CAMK1D: variants seen among roughly 807,000 people sequenced by gnomAD.
The protein encoded by CAMK1D is calcium/calmodulin-dependent protein kinase type 1D.
Under a neutral mutation model 47.7 loss-of-function variants are expected in CAMK1D, and 9 were observed. The ratio of observed to expected loss-of-function variants is 0.19; its 90% CI spans 0.11 to 0.33. The LOEUF (loss-of-function observed/expected upper bound fraction) is 0.33. CAMK1D is among the 10% of genes least tolerant of loss of function. The pLI is 1.00. For synonymous variants in CAMK1D, 184 were observed against 184.9 expected (o/e 0.99, Z 0.04); for missense variants, 291 against 488.7 (o/e 0.60, Z 3.81).
At chr10:12,534,146 A>G (rs1835893308) in intron 1 of CAMK1D, among the ~76,000 whole-genome samples, 1 of 151,994 alleles carries the variant, frequency 6.6e-6, no homozygotes, top group Non-Finnish European at 1.5e-5. Flanking sequence ...ACAAACCTCC[A>G]CATCTATCTA....
At chr10:12,680,474 C>A (rs1338200027) in intron 3 of CAMK1D, among the ~76,000 whole-genome samples, 1 of 152,184 alleles carries the variant, frequency 6.6e-6, no homozygotes, top group Non-Finnish European at 1.5e-5. Flanking sequence ...TGTTAATCTC[C>A]ATGAAACAAG....
chr10:12,785,516 G>T (rs545219596), intron 5 of CAMK1D, among the ~76,000 whole-genome samples: 4 of 152,226 alleles, frequency 2.6e-5, no homozygotes, highest in African/African-American at 9.6e-5. Flanking sequence ...AAGCTCTCGG[G>T]TATCTCCAGG....
chr10:12,802,383 C>T (rs955662408), intron 6 of CAMK1D, among the ~76,000 whole-genome samples: 1 of 152,162 alleles, frequency 6.6e-6, no homozygotes, highest in Non-Finnish European at 1.5e-5. Flanking sequence ...AATGCAGTCT[C>T]AGTTTTCTCC....
intron 1 of CAMK1D, among the ~76,000 whole-genome samples, chr10:12,410,080 C>T (rs1343710530): frequency 6.6e-6 from 1 of 152,198 alleles, no homozygotes; most frequent in Admixed American, 6.5e-5. Context: ...ATGGATATCA[C>T]ACATTTTGTT....
intron 3 of CAMK1D, among the ~76,000 whole-genome samples, chr10:12,755,658 C>T (rs1012064355): frequency 6.6e-6 from 1 of 152,144 alleles, no homozygotes; most frequent in African/African-American, 2.4e-5. Flanking sequence ...TCCTCTCCAG[C>T]ACCTGTTGTT....
At chr10:12,483,593 G>A (rs1283759781) in intron 1 of CAMK1D, among the ~76,000 whole-genome samples, 1 of 152,016 alleles carries the variant, frequency 6.6e-6, no homozygotes, top group African/African-American at 2.4e-5. Flanking sequence ...CAAACTCCTG[G>A]CCTCAAGTGA....
At chr10:12,444,549 GA>G (rs1425994199) in intron 1 of CAMK1D, among the ~76,000 whole-genome samples, 1 of 152,180 alleles carries the variant, frequency 6.6e-6, no homozygotes, top group East Asian at 1.9e-4. Flanking sequence ...ATTTTAGAGG[GA>G]CAGAAGTTAG....
intron 1 of CAMK1D, among the ~76,000 whole-genome samples, chr10:12,511,674 G>C (rs1200904435): frequency 6.6e-6 from 1 of 152,200 alleles, no homozygotes; most frequent in Non-Finnish European, 1.5e-5. Flanking sequence ...AGTTGGATCA[G>C]AATCTTTGGG....
Position 12,785,743 on chromosome 10 carries a change from T to C in CAMK1D, c.566-5415T>C, listed in dbSNP as rs116453243. On this transcript the variant is annotated intron_variant, in intron 5 of 10. Coordinates refer to ENST00000619168, the MANE Select transcript of CAMK1D (RefSeq NM_153498.4). The stretch of plus-strand genomic sequence containing the variant: ...CACAACACTGGCCGGTTCGGCTGGT[T>C]CTCAGGCAGGAAAACTGGCGTCTGA... Among the ~76,000 whole-genome samples the C allele has an allele frequency of 3.8e-3, 580 of 152,310 alleles. 9 individuals carry two copies. The highest frequency in any genetic ancestry group is 0.013 in the African/African-American group (557 of 41,574).
intron 1 of CAMK1D, among the ~76,000 whole-genome samples, chr10:12,495,658 A>G (rs1288276743): frequency 5.9e-5 from 9 of 152,216 alleles, no homozygotes; most frequent in Non-Finnish European, 1.3e-4. Context: ...ACAATTTGAA[A>G]GGATGAAAAT....
At chr10:12,587,034 C>A (rs1837839746) in intron 2 of CAMK1D, among the ~76,000 whole-genome samples, 1 of 152,152 alleles carries the variant, frequency 6.6e-6, no homozygotes, top group South Asian at 2.1e-4. Context: ...TTGGTTACCT[C>A]TCACTCGGGG....
chr10:12,672,347 T>C (rs1840650597), intron 3 of CAMK1D, among the ~76,000 whole-genome samples: 1 of 152,058 alleles, frequency 6.6e-6, no homozygotes, highest in African/African-American at 2.4e-5. Flanking sequence ...AATGTTTTCC[T>C]CTGGACGTTA....
intron 1 of CAMK1D, among the ~76,000 whole-genome samples, chr10:12,420,352 G>T (rs1040995499): frequency 6.6e-6 from 1 of 152,160 alleles, no homozygotes; most frequent in Non-Finnish European, 1.5e-5. Context: ...TACCCTTGAT[G>T]GTCCACTTCA....
intron 1 of CAMK1D, among the ~76,000 whole-genome samples, chr10:12,519,124 C>G (rs1428327336): frequency 1.1e-5 from 1 of 92,250 alleles, no homozygotes; most frequent in South Asian, 5.5e-4. Flanking sequence ...GGGCTGACCC[C>G]CCCACCACCC....
chr10:12,482,436 A>G (rs1255037894), intron 1 of CAMK1D, among the ~76,000 whole-genome samples: 1 of 152,254 alleles, frequency 6.6e-6, no homozygotes, highest in African/African-American at 2.4e-5. Flanking sequence ...TCTTCCTGCT[A>G]AAGAAATCTC....
chr10:12,734,439 C>G (rs1350931356), intron 3 of CAMK1D, among the ~76,000 whole-genome samples: 1 of 40,950 alleles, frequency 2.4e-5, no homozygotes, highest in African/African-American at 8.0e-5. Context: ...TATATACACA[C>G]ACACATATGT....
intron 1 of CAMK1D, among the ~76,000 whole-genome samples, chr10:12,533,038 T>A (rs1022287773): frequency 6.6e-6 from 1 of 152,188 alleles, no homozygotes; most frequent in Non-Finnish European, 1.5e-5. Context: ...AGGGTGACTA[T>A]AAGTCAATAA....
intron 1 of CAMK1D, among the ~76,000 whole-genome samples, chr10:12,393,032 T>G (rs1838797506): frequency 6.6e-6 from 1 of 151,844 alleles, no homozygotes; most frequent in African/African-American, 2.4e-5. Context: ...CATAACTTTT[T>G]TTTTTTTTTT....
chr10:12,488,830 C>T (rs543916791), intron 1 of CAMK1D, among the ~76,000 whole-genome samples: 26 of 152,278 alleles, frequency 1.7e-4, no homozygotes, highest in African/African-American at 4.3e-4. Context: ...GCTGATCTGA[C>T]GGAGGCGGAG....
Sources: allele counts gnomAD v4.1 joint callset (sites outside exome capture counted in the v4.1 genomes callset), GRCh38; gene constraint gnomAD v4.1.1; transcripts MANE v1.5; gene names NCBI Gene and HGNC (gene_info 2026-07-23, HGNC 2026-07-21).